ARB2A: variants seen among roughly 807,000 people sequenced by gnomAD.
The protein encoded by ARB2A is ARB2 cotranscriptional regulator A, also known as cotranscriptional regulator ARB2A.
the ARB2A span, chr5:93,741,629 C>A: frequency 7.0e-7 from 1 of 1,437,194 alleles, no homozygotes; most frequent in Admixed American, 2.8e-5. Flanking sequence ...AGAACAGCCA[C>A]CGGCCCCCTC....
At chr5:94,111,289 A>G in the ARB2A span, among the ~76,000 whole-genome samples, 1 of 152,050 alleles carries the variant, frequency 6.6e-6, no homozygotes, top group Admixed American at 6.5e-5. Context: ...GGGAACACAC[A>G]CGTCGCTCCC....
chr5:93,920,699 A>G, the ARB2A span, among the ~76,000 whole-genome samples: 1 of 152,324 alleles, frequency 6.6e-6, no homozygotes, highest in Admixed American at 6.5e-5. Context: ...ACATGGTACC[A>G]TTCACAGTTG....
chr5:93,822,712 A>G, the ARB2A span, among the ~76,000 whole-genome samples: 1 of 152,048 alleles, frequency 6.6e-6, no homozygotes, highest in Non-Finnish European at 1.5e-5. Context: ...CATATTTTAA[A>G]AAGTACATCA....
At chr5:93,633,855 G>C in the ARB2A span, among the ~76,000 whole-genome samples, 1 of 152,034 alleles carries the variant, frequency 6.6e-6, no homozygotes, top group Non-Finnish European at 1.5e-5. Context: ...ACCCAGGCTG[G>C]AGTACAGGGG....
chr5:93,845,889 A>C, the ARB2A span, among the ~76,000 whole-genome samples: 1 of 152,286 alleles, frequency 6.6e-6, no homozygotes, highest in African/African-American at 2.4e-5. Context: ...CTATAATTAT[A>C]GCTGTAGAGG....
the ARB2A span, among the ~76,000 whole-genome samples, chr5:93,745,527 G>C: frequency 6.6e-6 from 1 of 152,116 alleles, no homozygotes; most frequent in Non-Finnish European, 1.5e-5. Flanking sequence ...CTGTTGGTCA[G>C]TTATTTCACT....
the ARB2A span, among the ~76,000 whole-genome samples, chr5:94,040,625 A>G: frequency 6.6e-6 from 1 of 151,524 alleles, no homozygotes; most frequent in African/African-American, 2.4e-5. Context: ...TCCTTGCAAT[A>G]GTTTGCTGAG....
At chr5:93,911,444 GA>G in the ARB2A span, among the ~76,000 whole-genome samples, 2 of 151,648 alleles carry the variant, frequency 1.3e-5, no homozygotes, top group African/African-American at 4.8e-5. Context: ...TTAACAACTA[GA>G]AAAAAGCTTG....
At chr5:93,707,921 T>A in the ARB2A span, among the ~76,000 whole-genome samples, 1 of 152,194 alleles carries the variant, frequency 6.6e-6, no homozygotes, top group Non-Finnish European at 1.5e-5. Flanking sequence ...TTTGGAAGAC[T>A]TTTACTTTAA....
At chr5:93,783,243 C>A in the ARB2A span, among the ~76,000 whole-genome samples, 36 of 152,118 alleles carry the variant, frequency 2.4e-4, no homozygotes, top group Admixed American at 6.6e-4. Context: ...ATGCTAGGAG[C>A]TTTCTATATG....
the ARB2A span, chr5:93,805,841 G>C: frequency 4.1e-6 from 4 of 984,982 alleles, no homozygotes; most frequent in Non-Finnish European, 3.6e-6. Flanking sequence ...CTTGTTGGTT[G>C]TATACAGTCA....
At chr5:93,953,962 C>A in the ARB2A span, among the ~76,000 whole-genome samples, 14 of 152,114 alleles carry the variant, frequency 9.2e-5, no homozygotes, top group African/African-American at 2.9e-4. Context: ...CACTCAGTAT[C>A]CAAGGGCTCT....
chr5:93,849,426 G>A, the ARB2A span, among the ~76,000 whole-genome samples: 1 of 151,930 alleles, frequency 6.6e-6, no homozygotes, highest in Admixed American at 6.6e-5. Flanking sequence ...ATGCTATGAG[G>A]AAATATTAAA....
the ARB2A span, among the ~76,000 whole-genome samples, chr5:93,853,853 A>G: frequency 1.1e-4 from 17 of 152,212 alleles, no homozygotes; most frequent in Admixed American, 2.6e-4. Flanking sequence ...TGCTGGATTC[A>G]GTTTGCCAGT....
At chr5:93,672,341 C>A in the ARB2A span, among the ~76,000 whole-genome samples, 1 of 150,018 alleles carries the variant, frequency 6.7e-6, no homozygotes, top group Non-Finnish European at 1.5e-5. Context: ...TAGATGGAGT[C>A]TCGCTGTCAC....
At chr5:93,935,301 C>T in the ARB2A span, among the ~76,000 whole-genome samples, 1 of 151,942 alleles carries the variant, frequency 6.6e-6, no homozygotes, top group African/African-American at 2.4e-5. Context: ...GGGACCTAAC[C>T]CAGTCAACTG....
the ARB2A span, among the ~76,000 whole-genome samples, chr5:94,067,814 C>CA: frequency 6.6e-6 from 1 of 151,866 alleles, no homozygotes; most frequent in Non-Finnish European, 1.5e-5. Flanking sequence ...TAGAGAAAAA[C>CA]AAAAAACACT....
chr5:93,778,190 G>A, the ARB2A span, among the ~76,000 whole-genome samples: 2 of 152,166 alleles, frequency 1.3e-5, no homozygotes, highest in South Asian at 2.1e-4. Context: ...TTAATTAGCA[G>A]TTGAATGCAA....
chr5:93,818,948 G>C, the ARB2A span, among the ~76,000 whole-genome samples: 1 of 152,044 alleles, frequency 6.6e-6, no homozygotes, highest in Non-Finnish European at 1.5e-5. Flanking sequence ...AGCACTTTGG[G>C]AGGCCGAGAC....
Sources: allele counts gnomAD v4.1 joint callset (sites outside exome capture counted in the v4.1 genomes callset), GRCh38; gene constraint gnomAD v4.1.1; transcripts MANE v1.5; gene names NCBI Gene and HGNC (gene_info 2026-07-23, HGNC 2026-07-21).